Variants in ZNF613 observed in about 807,000 individuals in gnomAD.
ZNF613 encodes the protein zinc finger protein 613.
Under a neutral mutation model 14.3 loss-of-function variants are expected in ZNF613, and 8 were observed. The observed-to-expected ratio is 0.56, with a 90% CI of 0.33 to 1.01. ZNF613 has a LOEUF of 1.01. Ranked by LOEUF, ZNF613 falls within the 50% of genes least tolerant of loss-of-function variation. ZNF613 has a pLI of 0.03. For missense variants in ZNF613, 656 were observed against 741.9 expected, an observed-to-expected ratio of 0.88 and a Z score of 1.35; for synonymous variants, 228 against 254.5, an observed-to-expected ratio of 0.90 and a Z score of 0.99.
rs2085394043 is a variant in ZNF613 at position 51,945,583 on chromosome 19, ACT to A, written c.1703_1704del (p.Ser568CysfsTer2). On this transcript the variant is annotated frameshift_variant, in exon 6 of 6. Coordinates refer to ENST00000293471, the MANE Select transcript of ZNF613 (RefSeq NM_001031721.4). LOFTEE classifies it low-confidence loss of function (END_TRUNC). ...ACACGTGATCTCATACAGGATAAAG[ACT>A]CTGTTAACATGGTGACTCTGCAGAT... 3.1e-6 allele frequency: 5 copies of A among 1,613,934 alleles called. No homozygotes were observed. The highest frequency in any genetic ancestry group is 1.3e-5 in the African/African-American group (1 of 74,876).
At chr19:51,927,974 C>T (rs914011524) in intron 1 of ZNF613, 3 of 151,872 alleles carry the variant, frequency 2.0e-5, no homozygotes, top group Non-Finnish European at 4.4e-5. Context: ...CCTCAGCTTT[C>T]CCGAGTAGCT....
chr19:51,929,258 C>T (rs1435323770), intron 1 of ZNF613, among the ~76,000 whole-genome samples: 1 of 151,986 alleles, frequency 6.6e-6, no homozygotes, highest in East Asian at 1.9e-4. Flanking sequence ...CATCAAGAGG[C>T]AAAACTGCAC....
chr19:51,941,202 G>T (rs1483473355), intron 5 of ZNF613, among the ~76,000 whole-genome samples: 1 of 152,200 alleles, frequency 6.6e-6, no homozygotes, highest in Admixed American at 6.5e-5. Context: ...AAAGTGCTGG[G>T]ATTACAGGTG....
At chr19:51,933,495 G>A (rs1190836196) in intron 2 of ZNF613, among the ~76,000 whole-genome samples, 1 of 152,136 alleles carries the variant, frequency 6.6e-6, no homozygotes, top group Non-Finnish European at 1.5e-5. Context: ...CTAGGCTGGA[G>A]TACAGTGACG....
intron 3 of ZNF613, among the ~76,000 whole-genome samples, chr19:51,938,880 T>C (rs1054976869): frequency 6.6e-6 from 1 of 151,710 alleles, no homozygotes. Context: ...CAGAATTGCC[T>C]AATGATGCAT....
intron 4 of ZNF613, 41 bp downstream of exon 4, chr19:51,940,376 C>T (rs770194897): frequency 1.4e-5 from 22 of 1,612,622 alleles, no homozygotes; most frequent in Non-Finnish European, 1.7e-5. Context: ...AGTACCCAGT[C>T]AAAGGCCTTT....
At chr19:51,928,066 T>TA (rs1466568365) in intron 1 of ZNF613, 47 of 144,122 alleles carry the variant, frequency 3.3e-4, no homozygotes, top group African/African-American at 1.2e-3. Flanking sequence ...TCTATCTATC[T>TA]ATCTATCTAT....
chr19:51,930,591 T>A (rs1356023545), intron 2 of ZNF613, among the ~76,000 whole-genome samples: 1 of 152,232 alleles, frequency 6.6e-6, no homozygotes, highest in Non-Finnish European at 1.5e-5. Context: ...AAGGTTTGTC[T>A]GTGTCGTAGC....
chr19:51,939,625 T>TGAG (rs1184402493), intron 3 of ZNF613, among the ~76,000 whole-genome samples: 1 of 152,196 alleles, frequency 6.6e-6, no homozygotes. Flanking sequence ...CCACCATGCC[T>TGAG]GGCCTATTTA....
At chr19:51,931,889 G>A (rs914818173) in intron 2 of ZNF613, among the ~76,000 whole-genome samples, 4 of 152,132 alleles carry the variant, frequency 2.6e-5, no homozygotes, top group Non-Finnish European at 5.9e-5. Flanking sequence ...ACAAAGCGGG[G>A]CAAACGAGGG....
At chr19:51,936,836 A>G (rs1368427169) in intron 3 of ZNF613, among the ~76,000 whole-genome samples, 2 of 152,128 alleles carry the variant, frequency 1.3e-5, no homozygotes, top group Non-Finnish European at 2.9e-5. Context: ...TAGCTTCAGT[A>G]TGGAGGCTGG....
rs767457740 is a variant in ZNF613 at position 51,940,233 on chromosome 19, G to A, written c.40G>A (p.Ala14Thr). The A allele has an allele frequency of 2.5e-6, 4 of 1,613,708 alleles. No individual in the cohort carries two copies. The highest frequency in any genetic ancestry group is 3.4e-6 in the Non-Finnish European group (4 of 1,179,766). The change falls in exon 4 of 6, where the codon GCT (alanine) becomes ACT (threonine). Residue 14 changes from alanine to threonine, a missense_variant. Physicochemically the swap from Ala to Thr is moderately conservative, Grantham distance 58 (BLOSUM62 0). Coordinates refer to ENST00000293471, the MANE Select transcript of ZNF613 (RefSeq NM_001031721.4). ...SQESLTLEDV[A>T]VEFTWEEWQL... is the part of the protein sequence containing the mutation. ...GGAATCACTGACCCTGGAGGATGTG[G>A]CTGTGGAGTTCACTTGGGAGGAGTG...
chr19:51,942,323 C>G (rs2085356094), intron 5 of ZNF613, among the ~76,000 whole-genome samples: 1 of 152,064 alleles, frequency 6.6e-6, no homozygotes, highest in African/African-American at 2.4e-5. Flanking sequence ...AGATTACCTG[C>G]TAAAAGGAAG....
chr19:51,936,865 C>G lies in ZNF613; in HGVS notation c.15+630C>G, dbSNP rs149549019. Among the ~76,000 whole-genome samples the G allele has an allele frequency of 1.4e-3, 214 of 152,252 alleles. 2 individuals carry two copies. The highest frequency in any genetic ancestry group is 4.3e-3 in the African/African-American group (179 of 41,540). On this transcript the variant is annotated intron_variant, in intron 3 of 5. Transcript: ENST00000293471. The stretch of plus-strand genomic sequence containing the variant: ...AGGCTGGTTGCCAGAAATAACAAGC[C>G]TTGATTAGAAGCTTGGAACTTTCAG...
chr19:51,927,723 A>G (rs2085226366), intron 1 of ZNF613, among the ~76,000 whole-genome samples, 183 bp downstream of exon 1: 1 of 151,198 alleles, frequency 6.6e-6, no homozygotes, highest in African/African-American at 2.4e-5. Context: ...GTCTGTCCAG[A>G]GCAACACTTG....
In ZNF613 at chr19:51,945,494, A is replaced by G. The variant is rs763246268; in HGVS notation, c.1611A>G (p.Arg537=). 1.9e-5 allele frequency: 30 copies of G among 1,614,090 alleles called. No individual in the cohort carries two copies. Among genetic ancestry groups the G allele is most frequent in the African/African-American group, 4.0e-5 (3 of 74,928 alleles). Residue 537 remains arginine (R), a synonymous_variant, in exon 6 of 6, where the codon AGA becomes AGG. Transcript: ENST00000293471. ...LVYHKGMLHA[R]EKCVGSVKLE... ...ATCATAAGGGAATGCTGCATGCAAG[A>G]GAGAAATGTGTAGGTTCAGTCAAAT... is the stretch of plus-strand genomic sequence containing the variant.
intron 2 of ZNF613, among the ~76,000 whole-genome samples, chr19:51,931,311 T>A (rs1296519310): frequency 6.6e-6 from 1 of 152,264 alleles, no homozygotes; most frequent in East Asian, 1.9e-4. Flanking sequence ...CACTTAATAC[T>A]GATAAAAAAG....
rs963947653 is a variant in ZNF613 at position 51,944,709 on chromosome 19, A to T, written c.826A>T (p.Asn276Tyr). Residue 276 changes from asparagine to tyrosine, a missense_variant, in exon 6 of 6, where the codon AAT becomes TAT. Asn to Tyr is a moderately radical substitution (Grantham distance 143). Transcript: ENST00000293471. ...DKAFRWKSQL[N>Y]AHQKIHTGEK... ...AGCATTCCGCTGGAAATCACAGCTC[A>T]ATGCACACCAGAAAATTCATACAGG... 13 of 1,614,018 alleles carry T rather than the reference A, an allele frequency of 8.1e-6. No homozygotes were observed. Among genetic ancestry groups the T allele is most frequent in the Non-Finnish European group, 1.1e-5 (13 of 1,179,956 alleles).
At chr19:51,941,999 G>A (rs553103695) in intron 5 of ZNF613, among the ~76,000 whole-genome samples, 1 of 152,126 alleles carries the variant, frequency 6.6e-6, no homozygotes, top group African/African-American at 2.4e-5. Context: ...AAGCTTTTCT[G>A]TTCTTACCAT....
Sources: allele counts gnomAD v4.1 joint callset (sites outside exome capture counted in the v4.1 genomes callset), GRCh38; gene constraint gnomAD v4.1.1; transcripts MANE v1.5; gene names NCBI Gene and HGNC (gene_info 2026-07-23, HGNC 2026-07-21).